FRMD8: variants seen among roughly 807,000 people sequenced by gnomAD.
FRMD8 encodes the protein FERM domain containing 8.
A neutral mutation model predicts 54.2 loss-of-function variants in FRMD8; 37 were observed. That is an observed-to-expected ratio of 0.68 (90% CI 0.53 to 0.90). FRMD8 has a LOEUF of 0.90. Among genes scored for constraint, FRMD8 ranks in the 40% least tolerant of loss-of-function variants. FRMD8 has a pLI of 0.00. For missense variants in FRMD8, 585 were observed against 653.7 expected (o/e 0.89, Z 1.15); for synonymous variants, 246 against 286.9 (o/e 0.86, Z 1.44).
At chr11:65,383,021 G>T (rs1296766267), upstream of FRMD8, 1 of 152,300 alleles carries the variant, frequency 6.6e-6, no homozygotes, top group Non-Finnish European at 1.5e-5. Flanking sequence ...GGTGGCACAG[G>T]GTGGGCTCTC....
chr11:65,381,841 C>T (rs549506668), upstream of FRMD8: 4 of 1,589,598 alleles, frequency 2.5e-6, 1 homozygote, highest in South Asian at 4.4e-5. Context: ...TCTGCTCCTC[C>T]CATGTCACCC....
chr11:65,406,616 T>A (rs2957266), intron 10 of FRMD8, among the ~76,000 whole-genome samples: 5 of 151,932 alleles, frequency 3.3e-5, no homozygotes, highest in African/African-American at 1.2e-4. Flanking sequence ...GCGTGAAACA[T>A]CACACCAAGC....
At chr11:65,381,931 C>T, upstream of FRMD8, 2 of 1,614,168 alleles carry the variant, frequency 1.2e-6, no homozygotes, top group Non-Finnish European at 1.7e-6. Flanking sequence ...TCCAGCCAGC[C>T]ACAAATTCCT....
At chr11:65,392,580 G>A (rs1349087775) in intron 3 of FRMD8, among the ~76,000 whole-genome samples, 1 of 152,136 alleles carries the variant, frequency 6.6e-6, no homozygotes. Flanking sequence ...CTGGCCTGAG[G>A]CATTGAGTCC....
At chr11:65,377,486 A>G in the FRMD8 span, 2,046 of 913,236 alleles carry the variant, frequency 2.2e-3, 5 homozygotes, top group Middle Eastern at 3.8e-3. Context: ...CAAAGAAACC[A>G]CCCTTTCCCA....
chr11:65,371,624 C>CT, the FRMD8 span, among the ~76,000 whole-genome samples: 4 of 152,148 alleles, frequency 2.6e-5, no homozygotes, highest in East Asian at 1.9e-4. Flanking sequence ...GTTTTGTTTT[C>CT]TTTTTTTTGA....
intron 2 of FRMD8, among the ~76,000 whole-genome samples, chr11:65,388,120 C>T (rs1467562260): frequency 1.3e-5 from 2 of 150,400 alleles, no homozygotes; most frequent in African/African-American, 4.9e-5. Context: ...GCTGAGCTCG[C>T]ACCATTGCAC....
intron 7 of FRMD8, among the ~76,000 whole-genome samples, chr11:65,398,822 G>A (rs1442293601): frequency 6.6e-6 from 1 of 152,154 alleles, no homozygotes; most frequent in Non-Finnish European, 1.5e-5. Flanking sequence ...GCTGGAGCAG[G>A]ACGGCCCCAG....
the FRMD8 span, among the ~76,000 whole-genome samples, chr11:65,371,406 T>A: frequency 6.6e-6 from 1 of 152,156 alleles, no homozygotes; most frequent in Admixed American, 6.6e-5. Context: ...ATTTAACATG[T>A]TTGCTCAAGT....
chr11:65,407,801 G>A (rs1856236659), intron 10 of FRMD8, among the ~76,000 whole-genome samples: 1 of 150,792 alleles, frequency 6.6e-6, no homozygotes, highest in African/African-American at 2.4e-5. Flanking sequence ...GGAGAATGGC[G>A]TGAACCTGGG....
At chr11:65,396,482 T>A (rs1337655042) in intron 6 of FRMD8, among the ~76,000 whole-genome samples, 1 of 151,748 alleles carries the variant, frequency 6.6e-6, no homozygotes, top group Non-Finnish European at 1.5e-5. Context: ...GGAGCTCACC[T>A]GGGACAGGTG....
chr11:65,392,206 G>C (rs1855859655), intron 3 of FRMD8, among the ~76,000 whole-genome samples: 2 of 152,244 alleles, frequency 1.3e-5, no homozygotes, highest in South Asian at 2.1e-4. Context: ...AAGGGCTGCA[G>C]AGGCTGGATG....
rs1375923219 is a variant in FRMD8 at position 65,412,640 on chromosome 11, G to A, written c.*1280G>A. The A allele has an allele frequency of 1.3e-5, 2 of 152,258 alleles. No individual in the cohort carries two copies. Among genetic ancestry groups the A allele is most frequent in the African/African-American group, 4.8e-5 (2 of 41,446 alleles). The allele number at this position is 152,258 out of a possible 1,614,324, so 9.4% of individuals were successfully genotyped here. On this transcript the variant is annotated 3_prime_UTR_variant, in exon 11 of 11. Coordinates refer to ENST00000317568, the MANE Select transcript of FRMD8 (RefSeq NM_031904.5). The stretch of plus-strand genomic sequence containing the variant: ...CCTGGGACTTCCTGTGGCTGCACAG[G>A]GCTTGGCTTTGTCTTCGTTCCCGGT...
chr11:65,370,578 G>A, the FRMD8 span, among the ~76,000 whole-genome samples: 1 of 151,912 alleles, frequency 6.6e-6, no homozygotes, highest in African/African-American at 2.4e-5. Flanking sequence ...GCGGGTGCCT[G>A]TAATCCCAGC....
At chr11:65,374,984 G>GAAAAAGAAAA in the FRMD8 span, among the ~76,000 whole-genome samples, 2 of 150,358 alleles carry the variant, frequency 1.3e-5, no homozygotes, top group Non-Finnish European at 3.0e-5. Flanking sequence ...AGAAAAAATA[G>GAAAAAGAAAA]AGAAAAAGAA....
At chr11:65,408,428 A>G (rs1270529269) in intron 10 of FRMD8, among the ~76,000 whole-genome samples, 1 of 151,732 alleles carries the variant, frequency 6.6e-6, no homozygotes, top group African/African-American at 2.4e-5. Context: ...TGTAATTTGG[A>G]CCACTGTGTG....
At chr11:65,396,186 G>C (rs1467170618) in intron 6 of FRMD8, among the ~76,000 whole-genome samples, 1 of 152,206 alleles carries the variant, frequency 6.6e-6, no homozygotes, top group Non-Finnish European at 1.5e-5. Context: ...GAGGCAGGAA[G>C]GGTTGGGTGA....
intron 3 of FRMD8, 25 bp downstream of exon 3, chr11:65,389,553 A>C (rs777645233): frequency 6.5e-7 from 1 of 1,546,692 alleles, no homozygotes; most frequent in Non-Finnish European, 8.7e-7. Context: ...TGAGGAGCCC[A>C]GGCTGGAGGG....
intron 2 of FRMD8, 142 bp downstream of exon 2, chr11:65,387,263 T>C (rs1366317813): frequency 1.3e-6 from 1 of 794,240 alleles, no homozygotes; most frequent in Non-Finnish European, 2.1e-6. Flanking sequence ...TGTGGAAAAC[T>C]CACAGAAGTC....
Sources: allele counts gnomAD v4.1 joint callset (sites outside exome capture counted in the v4.1 genomes callset), GRCh38; gene constraint gnomAD v4.1.1; transcripts MANE v1.5; gene names NCBI Gene and HGNC (gene_info 2026-07-23, HGNC 2026-07-21).